The following FIG4 variants were observed in gnomAD, a reference collection of about 807,000 sequenced individuals.
The protein encoded by FIG4 is polyphosphoinositide phosphatase.
A neutral mutation model predicts 118.6 loss-of-function variants in FIG4; 112 were observed. The observed-to-expected ratio is 0.94, with a 90% confidence interval of 0.81 to 1.11. FIG4 has a LOEUF of 1.11. FIG4 is among the 50% of genes least tolerant of loss of function. The pLI is 0.00. For synonymous variants in FIG4, 369 were observed against 381.2 expected (o/e 0.97, Z 0.37); for missense variants, 969 against 1,111.7 (o/e 0.87, Z 1.83).
chr6:109,758,874 A>T (rs1777008765), intron 10 of FIG4, among the ~76,000 whole-genome samples: 1 of 152,286 alleles, frequency 6.6e-6, no homozygotes, highest in South Asian at 2.1e-4. Flanking sequence ...ACTGGTCATT[A>T]GAAAAATGCA....
chr6:109,737,438 A>G (rs1776191063), intron 6 of FIG4, among the ~76,000 whole-genome samples: 1 of 152,130 alleles, frequency 6.6e-6, no homozygotes, highest in Non-Finnish European at 1.5e-5. Flanking sequence ...CAGGACTCCT[A>G]TTGATGTCTT....
intron 1 of FIG4, among the ~76,000 whole-genome samples, chr6:109,700,523 C>T (rs902968067): frequency 6.6e-5 from 10 of 152,138 alleles, no homozygotes; most frequent in Non-Finnish European, 7.4e-5. Flanking sequence ...TTGCCAAAGC[C>T]GTTGCTGGGA....
intron 15 of FIG4, among the ~76,000 whole-genome samples, chr6:109,770,006 TG>T (rs1343330235): frequency 3.9e-5 from 6 of 152,212 alleles, no homozygotes; most frequent in Admixed American, 3.9e-4. Flanking sequence ...ACTGATGCTA[TG>T]GGGTCAACTC....
intron 1 of FIG4, among the ~76,000 whole-genome samples, chr6:109,709,732 G>GGA (rs1775199312): frequency 6.6e-6 from 1 of 152,106 alleles, no homozygotes; most frequent in Non-Finnish European, 1.5e-5. Context: ...ATTGTGAATG[G>GGA]GAGTTTGTCC....
At chr6:109,754,208 T>C (rs1776806578) in intron 10 of FIG4, among the ~76,000 whole-genome samples, 1 of 152,198 alleles carries the variant, frequency 6.6e-6, no homozygotes, top group Non-Finnish European at 1.5e-5. Flanking sequence ...CATGTGGTTT[T>C]TGTCTTTGGT....
chr6:109,718,086 AATTATGGC>A (rs1374764924), intron 3 of FIG4, among the ~76,000 whole-genome samples: 3 of 152,260 alleles, frequency 2.0e-5, no homozygotes, highest in African/African-American at 7.2e-5. Flanking sequence ...GGAAACTTAC[AATTATGGC>A]AGAAGGGGAA....
intron 18 of FIG4, among the ~76,000 whole-genome samples, chr6:109,788,799 C>G (rs2128396690): frequency 6.6e-6 from 1 of 152,308 alleles, no homozygotes; most frequent in South Asian, 2.1e-4. Context: ...GATATTCAGT[C>G]ACACGCTTGG....
chr6:109,750,341 T>G (rs1776650688), intron 10 of FIG4, among the ~76,000 whole-genome samples: 1 of 152,188 alleles, frequency 6.6e-6, no homozygotes, highest in African/African-American at 2.4e-5. Flanking sequence ...TGGAACCCTT[T>G]GAAATGATAT....
At chr6:109,717,008 C>CTTTT (rs58004392) in intron 3 of FIG4, among the ~76,000 whole-genome samples, 1 of 138,254 alleles carries the variant, frequency 7.2e-6, no homozygotes, top group Non-Finnish European at 1.6e-5. Context: ...TGGATGACTG[C>CTTTT]TTTTTTTTTT....
chr6:109,723,817 A>G (rs1237239701), intron 3 of FIG4, among the ~76,000 whole-genome samples: 3 of 152,198 alleles, frequency 2.0e-5, no homozygotes, highest in Non-Finnish European at 2.9e-5. Flanking sequence ...TTCCTACCAC[A>G]TGATCCAGAG....
intron 9 of FIG4, 166 bp downstream of exon 9, chr6:109,743,438 G>T: frequency 1.4e-6 from 1 of 695,082 alleles, no homozygotes. Context: ...ATAAATTTAT[G>T]TTTAATTTTG....
At chr6:109,793,003 T>TA (rs554638777) in intron 21 of FIG4, among the ~76,000 whole-genome samples, 66 of 152,178 alleles carry the variant, frequency 4.3e-4, no homozygotes, top group Non-Finnish European at 8.8e-4. Flanking sequence ...ATATAACTTT[T>TA]AAGAAATGAA....
chr6:109,785,136 A>G, intron 17 of FIG4, 108 bp downstream of exon 17: 1 of 748,858 alleles, frequency 1.3e-6, no homozygotes, highest in East Asian at 2.5e-5. Context: ...TTAGAAACAA[A>G]TGAATGGCTG....
intron 22 of FIG4, among the ~76,000 whole-genome samples, chr6:109,816,823 A>C (rs1255398708): frequency 6.6e-6 from 1 of 152,262 alleles, no homozygotes; most frequent in African/African-American, 2.4e-5. Flanking sequence ...TTTATAAATA[A>C]CCAGAAAAAG....
intron 15 of FIG4, among the ~76,000 whole-genome samples, chr6:109,776,661 C>CCAAATTCAA (rs1777626024): frequency 6.6e-6 from 1 of 152,070 alleles, no homozygotes; most frequent in African/African-American, 2.4e-5. Flanking sequence ...TTAAGTGTCT[C>CCAAATTCAA]CAAATTCAAC....
chr6:109,751,811 CT>C (rs1032835598), intron 10 of FIG4, among the ~76,000 whole-genome samples: 66 of 120,818 alleles, frequency 5.5e-4, no homozygotes, highest in African/African-American at 1.2e-3. Context: ...CTCTTTTTTT[CT>C]TTTTTTTTTA....
chr6:109,749,984 T>C (rs541134412), intron 10 of FIG4, among the ~76,000 whole-genome samples: 16 of 152,332 alleles, frequency 1.1e-4, no homozygotes, highest in East Asian at 1.9e-4. Flanking sequence ...TTAAAGAAGA[T>C]GTTTATTCAG....
intron 18 of FIG4, among the ~76,000 whole-genome samples, chr6:109,787,735 A>G (rs764732911): frequency 2.6e-5 from 4 of 152,212 alleles, no homozygotes; most frequent in Non-Finnish European, 4.4e-5. Flanking sequence ...GCTGTGTTCT[A>G]TAAAGTCATT....
chr6:109,732,925 G>A (rs1293409074), intron 5 of FIG4, among the ~76,000 whole-genome samples: 1 of 151,842 alleles, frequency 6.6e-6, no homozygotes, highest in Non-Finnish European at 1.5e-5. Flanking sequence ...GTTTTAGGTA[G>A]GACTTAATGT....
Sources: gnomAD v4.1 joint callset for allele counts (sites outside exome capture counted in the v4.1 genomes callset) on GRCh38, gnomAD v4.1.1 for gene constraint, MANE v1.5 for transcripts, NCBI Gene and HGNC (gene_info 2026-07-23, HGNC 2026-07-21) for gene names.